The following SUPT3H variants were observed in gnomAD, a reference collection of about 807,000 sequenced individuals.
SUPT3H encodes the protein transcription initiation protein SPT3 homolog.
Under a neutral mutation model 44.3 loss-of-function variants are expected in SUPT3H, and 44 were observed. The observed-to-expected ratio is 0.99, with a 90% CI of 0.78 to 1.28. SUPT3H has a LOEUF of 1.28. Among genes scored for constraint, SUPT3H ranks in the 50% most tolerant of loss-of-function variants. SUPT3H has a pLI of 0.00. For missense variants in SUPT3H, 380 were observed against 387.1 expected (o/e 0.98, Z 0.15); for synonymous variants, 124 against 125.6 (o/e 0.99, Z 0.09).
At chr6:44,879,479 A>G (rs1177025625) in intron 10 of SUPT3H, among the ~76,000 whole-genome samples, 1 of 152,204 alleles carries the variant, frequency 6.6e-6, no homozygotes, top group African/African-American at 2.4e-5. Flanking sequence ...ATCTAGGGGA[A>G]GGGGTGGATG....
intron 1 of SUPT3H, among the ~76,000 whole-genome samples, chr6:45,370,921 A>C (rs1306606959): frequency 3.3e-5 from 5 of 152,160 alleles, no homozygotes; most frequent in Non-Finnish European, 7.3e-5. Flanking sequence ...GAGTTTAAAA[A>C]AAAAATTTCT....
At chr6:44,961,064 T>C (rs1419951113) in intron 7 of SUPT3H, among the ~76,000 whole-genome samples, 1 of 152,244 alleles carries the variant, frequency 6.6e-6, no homozygotes, top group East Asian at 1.9e-4. Flanking sequence ...TCACACTTTC[T>C]TCTTTGACCT....
chr6:45,358,489 A>G (rs544958619), intron 2 of SUPT3H, among the ~76,000 whole-genome samples: 326 of 152,316 alleles, frequency 2.1e-3, no homozygotes, highest in Admixed American at 3.8e-3. Flanking sequence ...TAAATTGCAA[A>G]TATTTCCCCC....
At chr6:45,296,821 A>T in intron 2 of SUPT3H, among the ~76,000 whole-genome samples, 1 of 151,186 alleles carries the variant, frequency 6.6e-6, no homozygotes, top group Non-Finnish European at 1.5e-5. Flanking sequence ...AAATCTCACA[A>T]ATCACCACTA....
intron 10 of SUPT3H, among the ~76,000 whole-genome samples, chr6:44,931,442 A>C (rs759199927): frequency 1.4e-4 from 22 of 151,900 alleles, no homozygotes; most frequent in Non-Finnish European, 2.5e-4. Context: ...TCTCATTCAT[A>C]ATTTTTCATG....
intron 3 of SUPT3H, among the ~76,000 whole-genome samples, chr6:45,053,740 C>CAAAAAAAAAAAAAAAAA (rs57736879): frequency 1.7e-5 from 1 of 59,442 alleles, no homozygotes; most frequent in Non-Finnish European, 3.1e-5. Flanking sequence ...ACTAAAAATA[C>CAAAAAAAAAAAAAAAAA]AAAAAAAAAA....
intron 6 of SUPT3H, among the ~76,000 whole-genome samples, chr6:44,975,500 T>A (rs1778197938): frequency 6.6e-6 from 1 of 152,092 alleles, no homozygotes. Context: ...AATTATCTTA[T>A]GTTCTCACTT....
chr6:45,035,634 C>T (rs1787560309), intron 3 of SUPT3H, among the ~76,000 whole-genome samples: 1 of 151,944 alleles, frequency 6.6e-6, no homozygotes, highest in Non-Finnish European at 1.5e-5. Flanking sequence ...TAATGTATTG[C>T]CACAGTCGTA....
At chr6:44,967,818 C>T (rs969400085) in intron 6 of SUPT3H, among the ~76,000 whole-genome samples, 1 of 152,150 alleles carries the variant, frequency 6.6e-6, no homozygotes, top group African/African-American at 2.4e-5. Flanking sequence ...GAGACAGGGT[C>T]TTGCTCTGTC....
intron 6 of SUPT3H, among the ~76,000 whole-genome samples, chr6:44,995,582 G>A (rs1258150884): frequency 6.6e-6 from 1 of 151,868 alleles, no homozygotes; most frequent in Non-Finnish European, 1.5e-5. Flanking sequence ...AAAATCAATG[G>A]TACATCTTTT....
chr6:45,037,586 C>T (rs1787872271), intron 3 of SUPT3H, among the ~76,000 whole-genome samples: 1 of 151,666 alleles, frequency 6.6e-6, no homozygotes, highest in Non-Finnish European at 1.5e-5. Context: ...ACTGTTTGAA[C>T]CCGGGAAGTG....
At chr6:45,135,855 G>A (rs924425649) in intron 2 of SUPT3H, among the ~76,000 whole-genome samples, 1 of 152,192 alleles carries the variant, frequency 6.6e-6, no homozygotes, top group African/African-American at 2.4e-5. Flanking sequence ...CCTGAACTCA[G>A]ACAGGCAGAC....
At chr6:45,182,835 G>A (rs554683233) in intron 2 of SUPT3H, among the ~76,000 whole-genome samples, 1 of 152,312 alleles carries the variant, frequency 6.6e-6, no homozygotes, top group South Asian at 2.1e-4. Context: ...AATAACAAGT[G>A]TTGGCCTGTT....
At chr6:44,848,130 T>C (rs1259548528) in intron 10 of SUPT3H, among the ~76,000 whole-genome samples, 1 of 115,724 alleles carries the variant, frequency 8.6e-6, no homozygotes, top group East Asian at 2.3e-4. Context: ...CACACTCAGC[T>C]AATTTTTTTT....
chr6:45,228,637 A>G (rs981492423), intron 2 of SUPT3H, among the ~76,000 whole-genome samples: 6 of 152,136 alleles, frequency 3.9e-5, no homozygotes, highest in Non-Finnish European at 7.3e-5. Flanking sequence ...TACACCTTCT[A>G]AAAATAAAAA....
At chr6:44,859,241 A>C (rs1774224636) in intron 10 of SUPT3H, among the ~76,000 whole-genome samples, 1 of 152,240 alleles carries the variant, frequency 6.6e-6, no homozygotes, top group Non-Finnish European at 1.5e-5. Context: ...GATGAAAATA[A>C]CTTATAGACT....
intron 2 of SUPT3H, among the ~76,000 whole-genome samples, chr6:45,114,223 T>C (rs1052515603): frequency 3.9e-5 from 6 of 152,174 alleles, no homozygotes; most frequent in Admixed American, 2.6e-4. Context: ...TTGCCTGGTA[T>C]GTGCCAGGCA....
intron 3 of SUPT3H, among the ~76,000 whole-genome samples, chr6:45,073,154 T>C (rs1301810538): frequency 6.6e-6 from 1 of 152,104 alleles, no homozygotes; most frequent in Non-Finnish European, 1.5e-5. Flanking sequence ...GCTGAAGATA[T>C]GTAGGTATTC....
intron 8 of SUPT3H, among the ~76,000 whole-genome samples, chr6:44,954,281 G>A (rs1456497964): frequency 6.6e-6 from 1 of 152,100 alleles, no homozygotes; most frequent in Non-Finnish European, 1.5e-5. Flanking sequence ...TTAAGATAAA[G>A]GTACAAGAAC....
Sources: allele counts gnomAD v4.1 joint callset (sites outside exome capture counted in the v4.1 genomes callset), GRCh38; gene constraint gnomAD v4.1.1; transcripts MANE v1.5; gene names NCBI Gene and HGNC (gene_info 2026-07-23, HGNC 2026-07-21).